Variants in GNAO1 observed in about 807,000 individuals in gnomAD.
GNAO1 encodes G protein subunit alpha o1.
For missense variants in GNAO1, 166 were observed against 478.7 expected, an observed-to-expected ratio of 0.35 and a Z score of 6.10; for synonymous variants, 164 against 180.7, an observed-to-expected ratio of 0.91 and a Z score of 0.74.
At chr16:56,340,838 G>A (rs757172284) in intron 6 of GNAO1, 16 of 1,613,380 alleles carry the variant, frequency 9.9e-6, no homozygotes, top group East Asian at 2.2e-5. Context: ...TTGCAGAACC[G>A]CATGCACGAA....
chr16:56,306,338 A>G (rs1165813406), intron 3 of GNAO1, among the ~76,000 whole-genome samples: 1 of 152,198 alleles, frequency 6.6e-6, no homozygotes, highest in Non-Finnish European at 1.5e-5. Flanking sequence ...GAATCTGCAG[A>G]GTTTAGGCAG....
At chr16:56,310,598 T>G (rs1327213098) in intron 3 of GNAO1, among the ~76,000 whole-genome samples, 1 of 152,146 alleles carries the variant, frequency 6.6e-6, no homozygotes, top group Non-Finnish European at 1.5e-5. Flanking sequence ...GAGAGGGCAC[T>G]CTATTGCTCA....
intron 3 of GNAO1, among the ~76,000 whole-genome samples, chr16:56,298,275 C>G (rs2143576821): frequency 6.6e-6 from 1 of 152,314 alleles, no homozygotes; most frequent in South Asian, 2.1e-4. Context: ...AAGAGGAACC[C>G]TGGCTGGGTC....
chr16:56,346,682 A>G, intron 6 of GNAO1: 1 of 985,492 alleles, frequency 1.0e-6, no homozygotes. Context: ...GCTCAGGCAC[A>G]AGAACAACAC....
rs1327569497 is a variant in GNAO1 at position 56,356,852 on chromosome 16, C to G, written c.*778C>G. 1 of 150,240 alleles carries G rather than the reference C, an allele frequency of 6.7e-6. No individual in the cohort carries two copies. Among genetic ancestry groups the G allele is most frequent in the Non-Finnish European group, 1.5e-5 (1 of 67,704 alleles). The allele number at this position is 150,240 out of a possible 1,614,324, so 9.3% of individuals were successfully genotyped here. A position where few individuals can be genotyped will look rare whatever the true frequency, so the allele number is the denominator to read the frequency against. ...ATTACCAGCCCCCCACCCCACAGATCAGTTTTCCTAGTCTTTGGGAAACGG... is the reference window on the plus strand; with the variant it reads ...ATTACCAGCCCCCCACCCCACAGATGAGTTTTCCTAGTCTTTGGGAAACGG... On this transcript the variant is annotated 3_prime_UTR_variant, in exon 9 of 9. Transcript: ENST00000262493.
chr16:56,192,185 G>A lies in GNAO1; in HGVS notation c.-51G>A, dbSNP rs1438893893. On this transcript the variant is annotated 5_prime_UTR_variant, in exon 1 of 9. Transcript: ENST00000262493. ...GGGGGGGTGGGGGGCGCTCCAAGCC[G>A]GGGAGCCGTGCCAGCCGAGTCGTGC... 3.7e-6 allele frequency: 4 copies of A among 1,078,474 alleles called. No homozygotes were observed. The highest frequency in any genetic ancestry group is 1.3e-5 in the South Asian group (1 of 75,020). 66.8% of individuals were successfully genotyped at this position (1,078,474 alleles called of 1,614,324 possible).
At chr16:56,215,898 G>A (rs1433723786) in intron 2 of GNAO1, among the ~76,000 whole-genome samples, 2 of 152,152 alleles carry the variant, frequency 1.3e-5, no homozygotes, top group South Asian at 4.1e-4. Context: ...CAGGTGAGAG[G>A]GAAGTGTATA....
At chr16:56,304,714 C>T (rs1250073196) in intron 3 of GNAO1, among the ~76,000 whole-genome samples, 3 of 152,204 alleles carry the variant, frequency 2.0e-5, no homozygotes, top group African/African-American at 7.2e-5. Context: ...TTGAAATTTA[C>T]ATAATAAACA....
rs931426975 is a variant in GNAO1 at position 56,327,612 on chromosome 16, C to G, written c.304-1019C>G. Reference sequence around the variant, plus strand: ...GAGCCTTCTTATCTTCAAAGACCACCACACTCCTGGTTGTGATGTTACATG... The same window carrying G: ...GAGCCTTCTTATCTTCAAAGACCACGACACTCCTGGTTGTGATGTTACATG... On this transcript the variant is annotated intron_variant, in intron 3 of 8. Transcript: ENST00000262493. Among the ~76,000 whole-genome samples, 5 of 152,282 alleles carry G rather than the reference C, an allele frequency of 3.3e-5. No homozygotes were observed. The East Asian group carries it at 9.6e-4, about 29-fold the overall frequency.
intron 6 of GNAO1, chr16:56,343,829 C>T (rs746997510): frequency 1.9e-6 from 3 of 1,583,940 alleles, no homozygotes; most frequent in African/African-American, 1.5e-5. Flanking sequence ...AACAAGTCAG[C>T]CCACAAAGAG....
In GNAO1 at chr16:56,311,009, A is replaced by C. The variant is rs746319255; in HGVS notation, c.304-17622A>C. Among the ~76,000 whole-genome samples the C allele has an allele frequency of 8.5e-5, 13 of 152,284 alleles. No homozygotes were observed. Among genetic ancestry groups the C allele is most frequent in the Non-Finnish European group, 1.6e-4 (11 of 68,014 alleles). ...ATTTCATTGATTTCAACTTAGTTAC[A>C]TGGCAGGTTGTGGCCTACAGAAAAG... On this transcript the variant is annotated intron_variant, in intron 3 of 8. Coordinates refer to ENST00000262493, the MANE Select transcript of GNAO1 (RefSeq NM_020988.3). This position sits in a 1 kb window ranked among gnomAD's most constrained non-coding sequence, Gnocchi z 5.2.
At chr16:56,237,043 G>A (rs1422396799) in intron 2 of GNAO1, among the ~76,000 whole-genome samples, 2 of 152,194 alleles carry the variant, frequency 1.3e-5, no homozygotes, top group African/African-American at 4.8e-5. Flanking sequence ...TAAAATTTTT[G>A]TGAGGATTAA....
intron 2 of GNAO1, among the ~76,000 whole-genome samples, chr16:56,218,988 CCACTT>C (rs2036460396): frequency 6.6e-6 from 1 of 152,158 alleles, no homozygotes; most frequent in African/African-American, 2.4e-5. Context: ...GTGAAACACA[CCACTT>C]TAGGGGAATA....
intron 8 of GNAO1, 126 bp downstream of exon 8, chr16:56,355,207 TTATATATA>T: frequency 5.0e-6 from 1 of 200,288 alleles, no homozygotes; most frequent in Non-Finnish European, 9.5e-6. Flanking sequence ...TAACAAAACC[TTATATATA>T]TATATATATA....
In GNAO1 at chr16:56,235,413, G is replaced by A. The variant is rs79485086; in HGVS notation, c.162-40518G>A. 32 of 456,016 alleles carry A rather than the reference G, an allele frequency of 7.0e-5. No individual in the cohort carries two copies. The East Asian group carries it at 9.7e-4, about 14-fold the overall frequency. 28.2% of individuals were successfully genotyped at this position (456,016 alleles called of 1,614,324 possible). On this transcript the variant is annotated intron_variant, in intron 2 of 8. Transcript: ENST00000262493. ...GGTAGAGCTAGCAGAACTGAAGGCC[G>A]GCGGGACACTACGCAGTCCAGGCAA...
intron 2 of GNAO1, among the ~76,000 whole-genome samples, chr16:56,243,203 G>A (rs1024191679): frequency 5.3e-5 from 8 of 151,934 alleles, no homozygotes; most frequent in African/African-American, 1.2e-4. Flanking sequence ...ATTATATATA[G>A]CAATGTAATA....
intron 2 of GNAO1, among the ~76,000 whole-genome samples, chr16:56,220,554 C>T (rs762028881): frequency 6.6e-5 from 10 of 151,574 alleles, no homozygotes; most frequent in Non-Finnish European, 1.5e-4. Flanking sequence ...GAAAAATGCT[C>T]CTGCATTTTT....
chr16:56,321,647 C>T (rs2037572193), intron 3 of GNAO1, among the ~76,000 whole-genome samples: 1 of 152,162 alleles, frequency 6.6e-6, no homozygotes, highest in Non-Finnish European at 1.5e-5. Flanking sequence ...GGGTGCTTCA[C>T]TTCTGGGAAC....
At chr16:56,301,538 C>T (rs1034442689) in intron 3 of GNAO1, among the ~76,000 whole-genome samples, 2 of 152,242 alleles carry the variant, frequency 1.3e-5, no homozygotes, top group Non-Finnish European at 2.9e-5. Flanking sequence ...TAAGCGCTTA[C>T]CACAGAAGCT....
Sources: allele counts gnomAD v4.1 joint callset (sites outside exome capture counted in the v4.1 genomes callset), GRCh38; gene constraint gnomAD v4.1.1; non-coding constraint Gnocchi (gnomAD v3.1); transcripts MANE v1.5; gene names NCBI Gene and HGNC (gene_info 2026-07-23, HGNC 2026-07-21).